TMTC4: variants seen among roughly 807,000 people sequenced by gnomAD.
The protein encoded by TMTC4 is protein O-mannosyl-transferase TMTC4.
A neutral mutation model predicts 86.0 loss-of-function variants in TMTC4; 65 were observed. The ratio of observed to expected loss-of-function variants is 0.76; its 90% CI spans 0.62 to 0.93. The LOEUF is 0.93. Among genes scored for constraint, TMTC4 ranks in the 40% least tolerant of loss-of-function variants. The pLI, the probability that TMTC4 is intolerant of heterozygous loss-of-function variation, is 0.00. For synonymous variants in TMTC4, 379 were observed against 382.5 expected (o/e 0.99, Z 0.11); for missense variants, 866 against 948.1 (o/e 0.91, Z 1.14).
chr13:100,662,954 C>T lies in TMTC4; in HGVS notation c.552+10G>A, dbSNP rs376500657. The T allele has an allele frequency of 3.6e-5, 58 of 1,613,008 alleles. No individual in the cohort carries two copies. The highest frequency in any genetic ancestry group is 1.8e-4 in the Middle Eastern group (1 of 5,516). On this transcript the variant is annotated intron_variant, in intron 5 of 18. Transcript: ENST00000342624. ...CGTGCATACAGATGCCTCGGGCAGA[C>T]GACACTTACACACTCGGTGTGCACA...
chr13:100,668,885 T>C, intron 2 of TMTC4, 91 bp from the exon 3 acceptor site: 1 of 1,264,794 alleles, frequency 7.9e-7, no homozygotes, highest in South Asian at 1.4e-5. Context: ...AGATAGTCAT[T>C]TATGCTATGA....
At chr13:100,630,019 C>CTGTGTGTGTGTGTGTGTGTG (rs377655969) in intron 12 of TMTC4, among the ~76,000 whole-genome samples, 1 of 146,680 alleles carries the variant, frequency 6.8e-6, no homozygotes, top group African/African-American at 2.6e-5. Context: ...GCCACCCAAT[C>CTGTGTGTGTGTGTGTGTGTG]TGTGTGTATG....
intron 6 of TMTC4, among the ~76,000 whole-genome samples, chr13:100,644,378 C>T (rs1012946058): frequency 6.6e-6 from 1 of 151,796 alleles, no homozygotes; most frequent in Non-Finnish European, 1.5e-5. Flanking sequence ...GCTGGGATTA[C>T]AGGCGTGAGT....
intron 7 of TMTC4, among the ~76,000 whole-genome samples, 192 bp downstream of exon 7, chr13:100,642,019 A>C (rs1217420797): frequency 6.6e-6 from 1 of 152,248 alleles, no homozygotes; most frequent in African/African-American, 2.4e-5. Flanking sequence ...CAAGAAAGTC[A>C]GTCAATTCTC....
intron 6 of TMTC4, among the ~76,000 whole-genome samples, chr13:100,643,111 G>A (rs1458878162): frequency 6.6e-6 from 1 of 152,030 alleles, no homozygotes; most frequent in Non-Finnish European, 1.5e-5. Flanking sequence ...CAATTTGGGG[G>A]CCAGAACTAA....
intron 15 of TMTC4, chr13:100,624,842 T>G (rs1403215273): frequency 6.6e-6 from 1 of 152,302 alleles, no homozygotes; most frequent in Non-Finnish European, 1.5e-5. Flanking sequence ...TTTGTTTTCT[T>G]GAAACCAAAT....
At chr13:100,634,726 G>A (rs1594295147) in intron 12 of TMTC4, 79 bp downstream of exon 12, 1 of 1,521,928 alleles carries the variant, frequency 6.6e-7, no homozygotes, top group Non-Finnish European at 8.8e-7. Context: ...CTGCGCGACA[G>A]GAAATGTTCT....
At chr13:100,661,087 T>TC (rs1185962432) in intron 5 of TMTC4, among the ~76,000 whole-genome samples, 1 of 152,212 alleles carries the variant, frequency 6.6e-6, no homozygotes, top group Non-Finnish European at 1.5e-5. Context: ...CTCTTAATTA[T>TC]CCACAAGTAT....
At chr13:100,643,787 C>G (rs935092210) in intron 6 of TMTC4, among the ~76,000 whole-genome samples, 1 of 152,148 alleles carries the variant, frequency 6.6e-6, no homozygotes, top group Admixed American at 6.5e-5. Context: ...TTGGGTCAGC[C>G]AAACCTGGTC....
chr13:100,674,668 A>G, intron 1 of TMTC4, 76 bp downstream of exon 1: 1 of 981,836 alleles, frequency 1.0e-6, no homozygotes, highest in Non-Finnish European at 1.2e-6. Context: ...GCAGCGGGGA[A>G]CCCGCGCCCG....
At chr13:100,674,536 G>C (rs1335225683) in intron 1 of TMTC4, 1 of 981,346 alleles carries the variant, frequency 1.0e-6, no homozygotes, top group African/African-American at 1.8e-5. Flanking sequence ...TCCCATGTGC[G>C]GCTCACACAG....
At chr13:100,675,063 C>T, upstream of TMTC4, 2 of 985,650 alleles carry the variant, frequency 2.0e-6, no homozygotes, top group Non-Finnish European at 2.4e-6. Flanking sequence ...CAGGGACAGA[C>T]GGACCCGGCG....
chr13:100,623,286 G>A (rs989526152), intron 15 of TMTC4, among the ~76,000 whole-genome samples: 1 of 152,224 alleles, frequency 6.6e-6, no homozygotes, highest in African/African-American at 2.4e-5. Flanking sequence ...AGGCTGGAGT[G>A]CAGTGCCGCA....
intron 6 of TMTC4, among the ~76,000 whole-genome samples, chr13:100,652,887 C>G (rs942689010): frequency 6.6e-6 from 1 of 152,190 alleles, no homozygotes; most frequent in African/African-American, 2.4e-5. Context: ...CTTTGTATCC[C>G]CAGCACCGGA....
At position 100,656,441 on chromosome 13, in the gene TMTC4, G is replaced by C; in HGVS notation, c.580C>G (p.Leu194Val). ...CVAGVVGRAD[L>V]LCALFFLLSF... ...AACAAGAAGAACAGGGCACACAGGAGGTCTGCACGGCCGACAACACCAGCA... is the reference window on the plus strand; with the variant it reads ...AACAAGAAGAACAGGGCACACAGGACGTCTGCACGGCCGACAACACCAGCA... Residue 194 changes from leucine to valine, a missense_variant, in exon 6 of 19, where the codon CTC (leucine) becomes GTC (valine). Coordinates refer to ENST00000342624, the MANE Select transcript of TMTC4 (RefSeq NM_032813.5). 1 of 1,611,488 alleles carries C rather than the reference G, an allele frequency of 6.2e-7. No homozygotes were observed. The highest frequency in any genetic ancestry group is 8.5e-7 in the Non-Finnish European group (1 of 1,178,778).
chr13:100,659,132 T>C (rs561896732), intron 5 of TMTC4, among the ~76,000 whole-genome samples: 25 of 152,278 alleles, frequency 1.6e-4, no homozygotes, highest in African/African-American at 5.3e-4. Flanking sequence ...GGCGGCACCA[T>C]TGTTTCCCCA....
chr13:100,607,510 C>G (rs1876835221), intron 17 of TMTC4, among the ~76,000 whole-genome samples: 2 of 142,114 alleles, frequency 1.4e-5, no homozygotes, highest in Admixed American at 7.1e-5. Flanking sequence ...GAGCAAGACT[C>G]TGTCTCAAAA....
intron 12 of TMTC4, among the ~76,000 whole-genome samples, chr13:100,633,182 C>T (rs1881681999): frequency 6.6e-6 from 1 of 151,792 alleles, no homozygotes; most frequent in Non-Finnish European, 1.5e-5. Context: ...CATAGTGGCG[C>T]ATGCCTGTCC....
At chr13:100,656,921 C>A (rs1885190906) in intron 5 of TMTC4, among the ~76,000 whole-genome samples, 1 of 152,144 alleles carries the variant, frequency 6.6e-6, no homozygotes, top group African/African-American at 2.4e-5. Context: ...CATGATGTAG[C>A]TGTGCAATAG....
Sources: gnomAD v4.1 joint callset for allele counts (sites outside exome capture counted in the v4.1 genomes callset) on GRCh38, gnomAD v4.1.1 for gene constraint, MANE v1.5 for transcripts, NCBI Gene and HGNC (gene_info 2026-07-23, HGNC 2026-07-21) for gene names.